Variants in PCDH9 observed in about 807,000 individuals in gnomAD.
PCDH9 encodes the protein protocadherin 9.
A neutral mutation model predicts 70.6 loss-of-function variants in PCDH9; 24 were observed. The observed-to-expected ratio is 0.34, with a 90% CI of 0.25 to 0.48. The LOEUF is 0.48. Among genes scored for constraint, PCDH9 ranks in the 20% least tolerant of loss-of-function variants. The probability of loss-of-function intolerance (pLI) is 0.99; values close to 1 mark genes in which losing one functional copy is unlikely to be tolerated. For missense variants in PCDH9, 1,281 were observed against 1,503.6 expected, an observed-to-expected ratio of 0.85 and a Z score of 2.45; for synonymous variants, 562 against 558.5, an observed-to-expected ratio of 1.01 and a Z score of -0.09.
In PCDH9 at chr13:66,891,099, G is replaced by A. The variant is rs114458401; in HGVS notation, c.3138+12405C>T. Among the ~76,000 whole-genome samples, 1,217 of 151,990 alleles carry A rather than the reference G, an allele frequency of 8.0e-3. 15 individuals are homozygous for A. Among genetic ancestry groups the A allele is most frequent in the African/African-American group, 0.027 (1,133 of 41,486 alleles). ...TGTTTTTTTCTCTTCCACTTAGCACGATAGTGTTGAGGTTCATCCATGGTA... is the reference window on the plus strand; with the variant it reads ...TGTTTTTTTCTCTTCCACTTAGCACAATAGTGTTGAGGTTCATCCATGGTA... On this transcript the variant is annotated intron_variant, in intron 3 of 4. Transcript: ENST00000377865.
chr13:66,386,688 G>A (rs1405939918), intron 4 of PCDH9, among the ~76,000 whole-genome samples: 4 of 152,060 alleles, frequency 2.6e-5, no homozygotes, highest in Non-Finnish European at 5.9e-5. Context: ...TTGGCAGGAA[G>A]GGCTATTTAA....
intron 2 of PCDH9, among the ~76,000 whole-genome samples, chr13:66,980,847 T>C (rs1329770656): frequency 1.3e-5 from 2 of 151,388 alleles, no homozygotes; most frequent in Admixed American, 1.3e-4. Flanking sequence ...CTAAACCTTT[T>C]AAGTAGTAAA....
chr13:66,970,136 G>C (rs2083494176), intron 2 of PCDH9, among the ~76,000 whole-genome samples: 1 of 151,984 alleles, frequency 6.6e-6, no homozygotes, highest in South Asian at 2.1e-4. Flanking sequence ...GTTGTTCCAG[G>C]TTGATGCTTC....
chr13:67,126,830 C>T (rs1213273950), intron 2 of PCDH9, among the ~76,000 whole-genome samples: 1 of 152,124 alleles, frequency 6.6e-6, no homozygotes. Context: ...AATCTGGCAA[C>T]ACAGTGAGAC....
At position 67,226,983 on chromosome 13, in the gene PCDH9, T is replaced by C. The variant is rs1423254353; in HGVS notation, c.1458A>G (p.Leu486=). The part of the protein sequence containing the change: ...LSVSENNRRG[L]YLTTISATDE... ...CTGTGGCACTAATAGTTGTTAAGTATAACCCACGTCGGTTGTTTTCAGAAA... is the reference window on the plus strand; with the variant it reads ...CTGTGGCACTAATAGTTGTTAAGTACAACCCACGTCGGTTGTTTTCAGAAA... Residue 486 remains leucine (L), a synonymous_variant, in exon 2 of 5, where the codon TTA becomes TTG. Coordinates refer to ENST00000377865, the MANE Select transcript of PCDH9 (RefSeq NM_203487.3). The surrounding 1 kb of genome is among the most constrained non-coding windows in gnomAD (Gnocchi z 5.0). 3 of 1,614,122 alleles carry C rather than the reference T, an allele frequency of 1.9e-6. No homozygotes were observed. In the African/African-American group the frequency reaches 4.0e-5, roughly 22 times the overall value.
chr13:66,660,022 C>G (rs1482555333), intron 3 of PCDH9, among the ~76,000 whole-genome samples: 2 of 152,144 alleles, frequency 1.3e-5, no homozygotes, highest in Admixed American at 6.5e-5. Flanking sequence ...ATGTTTGGAG[C>G]TAAACGAATG....
intron 4 of PCDH9, among the ~76,000 whole-genome samples, chr13:66,444,850 C>G (rs971503051): frequency 1.3e-5 from 2 of 151,926 alleles, no homozygotes; most frequent in African/African-American, 2.4e-5. Context: ...CATGAGCCAC[C>G]ACGCCCAGCC....
At chr13:66,996,144 C>A (rs1433293707) in intron 2 of PCDH9, 1 of 152,042 alleles carries the variant, frequency 6.6e-6, no homozygotes, top group Non-Finnish European at 1.5e-5. Flanking sequence ...TAAACTGAAG[C>A]TTGGGTTCTC....
chr13:66,798,364 C>T (rs1449403737), intron 3 of PCDH9, among the ~76,000 whole-genome samples: 2 of 152,246 alleles, frequency 1.3e-5, no homozygotes, highest in East Asian at 3.9e-4. Context: ...AGTCCCTAAT[C>T]CCATCTTCTC....
At chr13:66,695,687 CTTATT>C (rs1404942425) in intron 3 of PCDH9, among the ~76,000 whole-genome samples, 1 of 152,166 alleles carries the variant, frequency 6.6e-6, no homozygotes, top group Middle Eastern at 3.4e-3. Context: ...AACTCAGGTC[CTTATT>C]TTATTTTAAC....
chr13:66,982,766 A>C (rs891356104), intron 2 of PCDH9, among the ~76,000 whole-genome samples: 1 of 152,208 alleles, frequency 6.6e-6, no homozygotes, highest in Non-Finnish European at 1.5e-5. Flanking sequence ...AGAGAAAACA[A>C]CACCTGGATT....
intron 3 of PCDH9, among the ~76,000 whole-genome samples, chr13:66,835,509 G>T (rs1234413126): frequency 6.6e-6 from 1 of 152,178 alleles, no homozygotes; most frequent in African/African-American, 2.4e-5. Context: ...CACAGAATTT[G>T]TTAGTAGATT....
intron 2 of PCDH9, among the ~76,000 whole-genome samples, chr13:67,168,734 C>G (rs1282464137): frequency 6.6e-6 from 1 of 152,096 alleles, no homozygotes; most frequent in Non-Finnish European, 1.5e-5. Flanking sequence ...GATCCTGGCT[C>G]CAAGTAAAAT....
intron 4 of PCDH9, among the ~76,000 whole-genome samples, chr13:66,318,460 C>G (rs1443150071): frequency 6.6e-6 from 1 of 152,108 alleles, no homozygotes; most frequent in Non-Finnish European, 1.5e-5. Flanking sequence ...TTATACAAGG[C>G]ATGAATTATT....
intron 4 of PCDH9, among the ~76,000 whole-genome samples, chr13:66,479,095 A>G: frequency 6.6e-6 from 1 of 152,318 alleles, no homozygotes; most frequent in African/African-American, 2.4e-5. Context: ...AATTATGCTA[A>G]ATCTACTCTG....
chr13:66,689,850 A>C (rs1417207687), intron 3 of PCDH9, among the ~76,000 whole-genome samples: 1 of 152,216 alleles, frequency 6.6e-6, no homozygotes, highest in South Asian at 2.1e-4. Context: ...TATCCACTTG[A>C]GAAAAAGCAG....
chr13:66,822,941 T>C (rs2080740949), intron 3 of PCDH9, among the ~76,000 whole-genome samples: 1 of 152,162 alleles, frequency 6.6e-6, no homozygotes, highest in Non-Finnish European at 1.5e-5. Flanking sequence ...TATATAGGAA[T>C]TGCTAATATA....
chr13:66,630,911 A>G (rs1440671236), intron 4 of PCDH9: 2 of 242,878 alleles, frequency 8.2e-6, no homozygotes, highest in African/African-American at 2.2e-5. Flanking sequence ...AATGTGTTCA[A>G]ATTTCATAAG....
chr13:66,671,175 C>T (rs547386514), intron 3 of PCDH9, among the ~76,000 whole-genome samples: 14 of 152,274 alleles, frequency 9.2e-5, no homozygotes, highest in African/African-American at 3.4e-4. Context: ...CCTCCTTCGC[C>T]TTCTGCCACG....
Sources: allele counts gnomAD v4.1 joint callset (sites outside exome capture counted in the v4.1 genomes callset), GRCh38; gene constraint gnomAD v4.1.1; non-coding constraint Gnocchi (gnomAD v3.1); transcripts MANE v1.5; gene names NCBI Gene and HGNC (gene_info 2026-07-23, HGNC 2026-07-21).